TFB1M: variants seen among roughly 807,000 people sequenced by gnomAD.
TFB1M encodes dimethyladenosine transferase 1, mitochondrial.
TFB1M carries 27 observed loss-of-function variants against 31.1 expected under a neutral mutation model. That is an observed-to-expected ratio of 0.87 (90% CI 0.64 to 1.20). The LOEUF (loss-of-function observed/expected upper bound fraction) is 1.20. Among genes scored for constraint, TFB1M ranks in the 50% most tolerant of loss-of-function variants. TFB1M has a pLI of 0.00. For missense variants in TFB1M, 394 were observed against 418.7 expected (o/e 0.94, Z 0.51); for synonymous variants, 166 against 151.8 (o/e 1.09, Z -0.69).
the TFB1M span, among the ~76,000 whole-genome samples, chr6:155,245,230 G>A: frequency 6.6e-6 from 1 of 152,218 alleles, no homozygotes; most frequent in East Asian, 1.9e-4. Flanking sequence ...GTAAGCCGCA[G>A]TGTGGCAGGA....
intron 2 of TFB1M, 148 bp from the exon 3 acceptor site, chr6:155,298,733 T>C (rs1039833659): frequency 3.1e-6 from 2 of 649,988 alleles, no homozygotes; most frequent in Admixed American, 2.4e-5. Context: ...ATCACGTCTA[T>C]TGCAACAGAC....
intron 2 of TFB1M, among the ~76,000 whole-genome samples, chr6:155,300,963 C>A (rs1482721560): frequency 6.6e-6 from 1 of 151,976 alleles, no homozygotes; most frequent in Non-Finnish European, 1.5e-5. Flanking sequence ...CACTACCACA[C>A]CTGGCTAATT....
intron 4 of TFB1M, among the ~76,000 whole-genome samples, chr6:155,286,501 GTATATATATGTGTGTA>G (rs1303180708): frequency 3.6e-5 from 5 of 139,000 alleles, no homozygotes; most frequent in East Asian, 4.1e-4. Context: ...ATATATGTGT[GTATATATATGTGTGTA>G]TATATATGTA....
intron 3 of TFB1M, among the ~76,000 whole-genome samples, chr6:155,297,972 TGA>T (rs1442962654): frequency 1.3e-5 from 2 of 152,232 alleles, no homozygotes; most frequent in African/African-American, 4.8e-5. Flanking sequence ...CCGTTTGTTC[TGA>T]GAGTCTGTTA....
chr6:155,281,877 T>C (rs752048805), intron 5 of TFB1M, among the ~76,000 whole-genome samples: 19 of 151,710 alleles, frequency 1.3e-4, no homozygotes, highest in Non-Finnish European at 2.8e-4. Flanking sequence ...TTCCCAAACT[T>C]GAGAAATGTG....
intron 4 of TFB1M, among the ~76,000 whole-genome samples, chr6:155,287,574 GTA>G (rs1491101939): frequency 9.2e-5 from 14 of 151,572 alleles, no homozygotes; most frequent in Non-Finnish European, 1.6e-4. Flanking sequence ...GTGTGTGTGT[GTA>G]TGTGTGTGTG....
the TFB1M span, chr6:155,250,733 G>A: frequency 2.2e-5 from 25 of 1,152,826 alleles, no homozygotes; most frequent in Non-Finnish European, 2.9e-5. Context: ...CAGACACTTG[G>A]GTGCTTAACT....
intron 4 of TFB1M, among the ~76,000 whole-genome samples, chr6:155,290,369 G>C (rs1262342218): frequency 7.1e-6 from 1 of 141,770 alleles, no homozygotes; most frequent in Non-Finnish European, 1.5e-5. Flanking sequence ...CTGGGTGACA[G>C]AGCGGCGAGA....
intron 2 of TFB1M, among the ~76,000 whole-genome samples, chr6:155,306,775 G>A (rs1250722992): frequency 1.3e-5 from 2 of 152,174 alleles, no homozygotes; most frequent in Non-Finnish European, 2.9e-5. Flanking sequence ...TGAGGACGAT[G>A]AGTGTTTATT....
chr6:155,258,783 G>GAGAT (rs796694467), intron 6 of TFB1M, among the ~76,000 whole-genome samples: 15 of 152,336 alleles, frequency 9.8e-5, no homozygotes, highest in African/African-American at 3.1e-4. Flanking sequence ...ATGGCCAGGG[G>GAGAT]AGATAGATAG....
At chr6:155,271,603 T>C (rs1249597362) in intron 5 of TFB1M, among the ~76,000 whole-genome samples, 4 of 152,160 alleles carry the variant, frequency 2.6e-5, no homozygotes, top group Middle Eastern at 3.2e-3. Context: ...AAATTAACAA[T>C]TTTATGAATT....
chr6:155,245,034 G>A, the TFB1M span, among the ~76,000 whole-genome samples: 6 of 152,274 alleles, frequency 3.9e-5, no homozygotes, highest in African/African-American at 7.2e-5. Flanking sequence ...TGTTGACCAC[G>A]TACGTGCTCT....
intron 5 of TFB1M, chr6:155,276,413 G>A: frequency 1.3e-6 from 2 of 1,567,708 alleles, no homozygotes; most frequent in Non-Finnish European, 1.7e-6. Context: ...TGGAACTTTT[G>A]GGTGCCAAAT....
the TFB1M span, among the ~76,000 whole-genome samples, chr6:155,230,887 A>C: frequency 6.7e-6 from 1 of 149,970 alleles, no homozygotes; most frequent in East Asian, 2.0e-4. Context: ...AGGCTGGAGT[A>C]CAGTGGAACG....
At chr6:155,254,686 C>A (rs1217031893), downstream of TFB1M, 3 of 1,331,910 alleles carry the variant, frequency 2.3e-6, no homozygotes, top group Non-Finnish European at 2.1e-6. Context: ...CATCGAGGTA[C>A]CTTTATCTCC....
chr6:155,273,137 C>T (rs1041310739), intron 5 of TFB1M, among the ~76,000 whole-genome samples: 4 of 152,320 alleles, frequency 2.6e-5, no homozygotes, highest in Admixed American at 2.6e-4. Flanking sequence ...TTGAAAGCAG[C>T]TATTACAAAA....
downstream of TFB1M, among the ~76,000 whole-genome samples, chr6:155,251,507 G>A (rs1379173926): frequency 1.3e-5 from 2 of 152,020 alleles, no homozygotes; most frequent in African/African-American, 2.4e-5. Context: ...GACTGGTCTC[G>A]AACTCCTGAC....
At chr6:155,237,115 T>C in the TFB1M span, among the ~76,000 whole-genome samples, 1 of 152,164 alleles carries the variant, frequency 6.6e-6, no homozygotes, top group African/African-American at 2.4e-5. Flanking sequence ...CTAGATACAA[T>C]GGGGGTACAG....
At chr6:155,267,620 ACTGGT>A (rs1353968124) in intron 5 of TFB1M, among the ~76,000 whole-genome samples, 1 of 152,158 alleles carries the variant, frequency 6.6e-6, no homozygotes, top group Admixed American at 6.5e-5. Context: ...ACTAGCTAAA[ACTGGT>A]CTTGGTGTTA....
Sources: gnomAD v4.1 joint callset for allele counts (sites outside exome capture counted in the v4.1 genomes callset) on GRCh38, gnomAD v4.1.1 for gene constraint, MANE v1.5 for transcripts, NCBI Gene and HGNC (gene_info 2026-07-23, HGNC 2026-07-21) for gene names.